Variants in ANKS1B observed in about 807,000 individuals in gnomAD.
The protein encoded by ANKS1B is ankyrin repeat and sterile alpha motif domain containing 1B, also known as ankyrin repeat and sterile alpha motif domain-containing protein 1B.
A neutral mutation model predicts 148.3 loss-of-function variants in ANKS1B; 36 were observed. The ratio of observed to expected loss-of-function variants is 0.24; its 90% CI spans 0.19 to 0.32. The LOEUF (loss-of-function observed/expected upper bound fraction) is 0.32. ANKS1B is among the 10% of genes least tolerant of loss of function. ANKS1B has a pLI of 1.00. For missense variants in ANKS1B, 1,157 were observed against 1,542.6 expected (o/e 0.75, Z 4.19); for synonymous variants, 542 against 560.8 (o/e 0.97, Z 0.47).
intron 1 of ANKS1B, among the ~76,000 whole-genome samples, chr12:99,951,737 A>G (rs1388932634): frequency 6.6e-6 from 1 of 152,002 alleles, no homozygotes; most frequent in Non-Finnish European, 1.5e-5. Flanking sequence ...AATTAAAATT[A>G]GCCAGGCACA....
chr12:99,249,916 C>A (rs547655651), intron 12 of ANKS1B, among the ~76,000 whole-genome samples: 52 of 152,348 alleles, frequency 3.4e-4, no homozygotes, highest in Non-Finnish European at 6.0e-4. Context: ...CATTACCCAG[C>A]TGTTTCAAAA....
At chr12:99,529,117 T>C (rs898962740) in intron 9 of ANKS1B, among the ~76,000 whole-genome samples, 3 of 152,116 alleles carry the variant, frequency 2.0e-5, no homozygotes, top group Non-Finnish European at 2.9e-5. Flanking sequence ...ATCTCTGTAA[T>C]GAATCATACA....
At chr12:99,975,341 A>G (rs2095613171) in intron 1 of ANKS1B, among the ~76,000 whole-genome samples, 1 of 152,160 alleles carries the variant, frequency 6.6e-6, no homozygotes, top group African/African-American at 2.4e-5. Flanking sequence ...TTACAACTTC[A>G]CTATGAATTA....
chr12:99,731,459 T>TGTGTGTG (rs1567736260), intron 8 of ANKS1B, among the ~76,000 whole-genome samples: 13 of 148,172 alleles, frequency 8.8e-5, no homozygotes, highest in African/African-American at 1.5e-4. Flanking sequence ...TGTGTGTGTG[T>TGTGTGTG]TTTAATTATC....
In ANKS1B at chr12:99,202,229, G is replaced by A. The variant is rs574175644; in HGVS notation, c.2419+42113C>T. On this transcript the variant is annotated intron_variant, in intron 14 of 26. Coordinates refer to ENST00000683438, the MANE Select transcript of ANKS1B (RefSeq NM_001352186.2). ...AATCAATAGGACTATTAGCTTAACT[G>A]GATACATCAGCTAATAATCCAACAG... Among the ~76,000 whole-genome samples the A allele has an allele frequency of 2.8e-3, 424 of 152,194 alleles. 3 individuals carry two copies. The highest frequency in any genetic ancestry group is 9.6e-3 in the African/African-American group (397 of 41,496).
downstream of ANKS1B, among the ~76,000 whole-genome samples, chr12:98,739,423 T>TG (rs1300226573): frequency 1.3e-5 from 2 of 151,796 alleles, no homozygotes; most frequent in Admixed American, 6.6e-5. Context: ...ATGGGACAGG[T>TG]GGGGGGAATG....
At chr12:99,009,580 C>T (rs1032025784) in intron 17 of ANKS1B, among the ~76,000 whole-genome samples, 2 of 152,298 alleles carry the variant, frequency 1.3e-5, no homozygotes, top group East Asian at 1.9e-4. Flanking sequence ...AGCCCATGAT[C>T]TCCTGTGGTC....
chr12:99,652,096 TATAC>T (rs2098424053), intron 9 of ANKS1B, among the ~76,000 whole-genome samples: 1 of 143,088 alleles, frequency 7.0e-6, no homozygotes, highest in African/African-American at 2.7e-5. Flanking sequence ...TACACACACA[TATAC>T]ACACACAAAT....
At chr12:99,056,200 A>G (rs2153541298) in intron 16 of ANKS1B, among the ~76,000 whole-genome samples, 2 of 152,374 alleles carry the variant, frequency 1.3e-5, no homozygotes, top group South Asian at 4.1e-4. Flanking sequence ...TCTCTCCCTC[A>G]TGGAGATTAT....
chr12:99,152,748 C>T (rs1390572786), intron 15 of ANKS1B, among the ~76,000 whole-genome samples: 1 of 152,088 alleles, frequency 6.6e-6, no homozygotes. Context: ...AATGAGAAAC[C>T]CTTATTTCAA....
chr12:99,811,474 T>C (rs940854424), intron 3 of ANKS1B, among the ~76,000 whole-genome samples: 1 of 151,890 alleles, frequency 6.6e-6, no homozygotes, highest in African/African-American at 2.4e-5. Flanking sequence ...GGGGACCATA[T>C]TTTACTTTCT....
At chr12:99,048,407 G>A (rs1450682568) in intron 17 of ANKS1B, among the ~76,000 whole-genome samples, 1 of 152,118 alleles carries the variant, frequency 6.6e-6, no homozygotes, top group African/African-American at 2.4e-5. Flanking sequence ...TTTATTGTGT[G>A]TGTGTTTTAC....
At chr12:99,520,604 G>A (rs2096865580) in intron 9 of ANKS1B, among the ~76,000 whole-genome samples, 1 of 152,020 alleles carries the variant, frequency 6.6e-6, no homozygotes, top group Non-Finnish European at 1.5e-5. Flanking sequence ...CTTGAATGTT[G>A]ATATCTTTCT....
chr12:99,486,199 T>G (rs1187680561), intron 10 of ANKS1B, among the ~76,000 whole-genome samples: 2 of 151,674 alleles, frequency 1.3e-5, no homozygotes, highest in Non-Finnish European at 2.9e-5. Context: ...TTGACTGTGT[T>G]TTTTTTTAAT....
chr12:99,116,656 G>T (rs529922444), intron 15 of ANKS1B, among the ~76,000 whole-genome samples: 1 of 152,034 alleles, frequency 6.6e-6, no homozygotes, highest in Non-Finnish European at 1.5e-5. Flanking sequence ...AAAAGATTTT[G>T]CTTATGAGTG....
In ANKS1B at chr12:98,801,330, G is replaced by A. The variant is rs2099003552; in HGVS notation, c.3142-205C>T. On this transcript the variant is annotated intron_variant, in intron 20 of 26. Transcript: ENST00000683438. This position sits in a 1 kb window ranked among gnomAD's most constrained non-coding sequence, Gnocchi z 5.2. ...GCTGAGTTAATTTTTGAGGTGTGGA[G>A]TTGAATTATTCTATTTTTAGAATGA... 6.6e-6 allele frequency among the ~76,000 whole-genome samples: 1 copy of A among 152,172 alleles called. No homozygotes were observed. Among genetic ancestry groups the A allele is most frequent in the Non-Finnish European group, 1.5e-5 (1 of 68,044 alleles).
At chr12:99,676,290 T>C (rs898224621) in intron 8 of ANKS1B, among the ~76,000 whole-genome samples, 1 of 152,166 alleles carries the variant, frequency 6.6e-6, no homozygotes, top group African/African-American at 2.4e-5. Context: ...ATTGTGAGCA[T>C]AGACTAATAC....
intron 19 of ANKS1B, among the ~76,000 whole-genome samples, chr12:98,810,249 G>A (rs1231781450): frequency 2.6e-5 from 4 of 152,196 alleles, no homozygotes; most frequent in Non-Finnish European, 5.9e-5. Context: ...ACACTTGTGT[G>A]CCTTCATGTC....
intron 4 of ANKS1B, among the ~76,000 whole-genome samples, chr12:99,805,748 C>A (rs920679905): frequency 1.3e-5 from 2 of 152,088 alleles, no homozygotes; most frequent in African/African-American, 4.8e-5. Flanking sequence ...ACAAAGCTCA[C>A]CTCAAATCAC....
Sources: gnomAD v4.1 joint callset for allele counts (sites outside exome capture counted in the v4.1 genomes callset) on GRCh38, gnomAD v4.1.1 for gene constraint, Gnocchi (gnomAD v3.1) non-coding constraint, MANE v1.5 for transcripts, NCBI Gene and HGNC (gene_info 2026-07-23, HGNC 2026-07-21) for gene names.